Variants in MCTP1 observed in about 807,000 individuals in gnomAD.
MCTP1 encodes the protein multiple C2 and transmembrane domain-containing protein 1.
MCTP1 carries 69 observed loss-of-function variants against 120.6 expected under a neutral mutation model. The ratio of observed to expected loss-of-function variants is 0.57; its 90% CI spans 0.47 to 0.70. The LOEUF is 0.70. Ranked by LOEUF, MCTP1 falls within the 30% of genes least tolerant of loss-of-function variation. MCTP1 has a pLI of 0.00. For missense variants in MCTP1, 1,203 were observed against 1,248.8 expected (o/e 0.96, Z 0.55); for synonymous variants, 529 against 493.1 (o/e 1.07, Z -0.96).
At chr5:94,799,526 T>C (rs1294489066) in intron 17 of MCTP1, among the ~76,000 whole-genome samples, 2 of 152,150 alleles carry the variant, frequency 1.3e-5, no homozygotes, top group Non-Finnish European at 2.9e-5. Flanking sequence ...CACTATTTAA[T>C]ATCAGGGACT....
At chr5:94,748,066 G>A (rs1309181160) in intron 19 of MCTP1, among the ~76,000 whole-genome samples, 1 of 152,140 alleles carries the variant, frequency 6.6e-6, no homozygotes, top group African/African-American at 2.4e-5. Flanking sequence ...CTCCAGACTG[G>A]GTGACAAGAG....
In MCTP1 at chr5:94,963,474, C is replaced by CTT. The variant is rs70978150; in HGVS notation, c.839-10115_839-10114dup. On this transcript the variant is annotated intron_variant, in intron 2 of 22. Coordinates refer to ENST00000515393, the MANE Select transcript of MCTP1 (RefSeq NM_024717.7). ...CCAGATCCTGTCCAACACTTGTTTT[C>CTT]TTTTTTTTTTTTTAATAATAGCCAC... Among the ~76,000 whole-genome samples the CTT allele has an allele frequency of 4.8e-4, 68 of 141,856 alleles. 1 individual carries two copies. Among genetic ancestry groups the CTT allele is most frequent in the South Asian group, 3.1e-3 (14 of 4,448 alleles). 93.1% of individuals were successfully genotyped at this position (141,856 alleles called of 152,430 possible).
intron 1 of MCTP1, among the ~76,000 whole-genome samples, chr5:95,084,393 T>A (rs895238783): frequency 6.6e-6 from 1 of 152,146 alleles, no homozygotes; most frequent in African/African-American, 2.4e-5. Context: ...CCCAATTTTT[T>A]AATGAATACT....
intron 19 of MCTP1, among the ~76,000 whole-genome samples, chr5:94,753,693 C>A (rs911696375): frequency 6.6e-6 from 1 of 152,162 alleles, no homozygotes; most frequent in African/African-American, 2.4e-5. Flanking sequence ...CAAACAAACT[C>A]TACTCTGAGC....
chr5:94,737,490 T>G (rs1764543714), intron 19 of MCTP1, among the ~76,000 whole-genome samples: 1 of 152,222 alleles, frequency 6.6e-6, no homozygotes, highest in African/African-American at 2.4e-5. Context: ...GGATGTTTCT[T>G]GAGTGAGTAC....
intron 19 of MCTP1, among the ~76,000 whole-genome samples, chr5:94,745,122 T>C (rs1766572366): frequency 1.3e-5 from 2 of 152,230 alleles, no homozygotes. Flanking sequence ...GTTTTCTTAC[T>C]GGATACGCCT....
chr5:94,782,746 A>G (rs900471805), intron 18 of MCTP1, among the ~76,000 whole-genome samples: 1 of 152,186 alleles, frequency 6.6e-6, no homozygotes, highest in Non-Finnish European at 1.5e-5. Flanking sequence ...GTTTTCAAGT[A>G]TACAAAGTCC....
intron 1 of MCTP1, among the ~76,000 whole-genome samples, chr5:95,271,115 T>C (rs759393861): frequency 1.9e-4 from 29 of 152,292 alleles, no homozygotes; most frequent in Admixed American, 1.2e-3. Flanking sequence ...ATCAGATATA[T>C]GCTCCTAGAA....
intron 12 of MCTP1, among the ~76,000 whole-genome samples, chr5:94,878,539 G>A (rs1182683670): frequency 1.3e-5 from 2 of 151,558 alleles, no homozygotes; most frequent in Non-Finnish European, 2.9e-5. Context: ...ATTTTGTAAT[G>A]TCCTTTTTAC....
intron 1 of MCTP1, among the ~76,000 whole-genome samples, chr5:95,275,783 G>C (rs1759778780): frequency 6.6e-6 from 1 of 152,088 alleles, no homozygotes; most frequent in South Asian, 2.1e-4. Flanking sequence ...GCGGGTAGCA[G>C]TTGCCACATG....
At chr5:94,753,876 A>G (rs182712074) in intron 19 of MCTP1, among the ~76,000 whole-genome samples, 4 of 152,318 alleles carry the variant, frequency 2.6e-5, no homozygotes, top group African/African-American at 4.8e-5. Flanking sequence ...AGGAAAGCGT[A>G]ATTGGTGCAC....
chr5:95,247,130 G>A (rs193178157), intron 1 of MCTP1, among the ~76,000 whole-genome samples: 8 of 152,244 alleles, frequency 5.3e-5, no homozygotes, highest in Admixed American at 4.6e-4. Context: ...AGGGTGTTAT[G>A]TGTCCCGGAA....
chr5:94,932,965 A>T (rs558736139), intron 5 of MCTP1, among the ~76,000 whole-genome samples: 8 of 152,106 alleles, frequency 5.3e-5, no homozygotes, highest in Admixed American at 4.6e-4. Flanking sequence ...AAGATTTTTA[A>T]TATAAGATGA....
At chr5:95,033,441 T>C (rs1840657235) in intron 1 of MCTP1, among the ~76,000 whole-genome samples, 1 of 152,092 alleles carries the variant, frequency 6.6e-6, no homozygotes, top group East Asian at 1.9e-4. Context: ...AATCAATAAG[T>C]GTGATGCACC....
At chr5:95,106,220 TG>T (rs1757072140) in intron 1 of MCTP1, among the ~76,000 whole-genome samples, 1 of 152,196 alleles carries the variant, frequency 6.6e-6, no homozygotes, top group Admixed American at 6.5e-5. Flanking sequence ...CACAAAGTGA[TG>T]GTTTCAGGCA....
intron 1 of MCTP1, among the ~76,000 whole-genome samples, chr5:95,281,449 G>A (rs1446875426): frequency 6.6e-6 from 1 of 152,188 alleles, no homozygotes; most frequent in Non-Finnish European, 1.5e-5. Context: ...AGAGAGTGCT[G>A]CTGAAAGCCA....
chr5:95,242,545 G>A (rs553204514), intron 1 of MCTP1, among the ~76,000 whole-genome samples: 146 of 152,108 alleles, frequency 9.6e-4, no homozygotes, highest in African/African-American at 3.4e-3. Context: ...TCTGTACGTT[G>A]GAATACTACT....
chr5:95,143,376 T>C (rs1760101387), intron 1 of MCTP1, among the ~76,000 whole-genome samples: 1 of 152,190 alleles, frequency 6.6e-6, no homozygotes, highest in Non-Finnish European at 1.5e-5. Context: ...ATAAAATTTC[T>C]AGGAGCCAGA....
intron 1 of MCTP1, among the ~76,000 whole-genome samples, chr5:95,232,003 G>A (rs568278372): frequency 5.0e-4 from 76 of 152,038 alleles, no homozygotes; most frequent in Non-Finnish European, 7.2e-4. Flanking sequence ...GAGCTGTTAG[G>A]TGCATTGTAG....
Sources: allele counts gnomAD v4.1 joint callset (sites outside exome capture counted in the v4.1 genomes callset), GRCh38; gene constraint gnomAD v4.1.1; transcripts MANE v1.5; gene names NCBI Gene and HGNC (gene_info 2026-07-23, HGNC 2026-07-21).